Variants in CRHR2 observed in about 807,000 individuals in gnomAD.
The protein encoded by CRHR2 is corticotropin-releasing hormone receptor 2.
Under a neutral mutation model 57.9 loss-of-function variants are expected in CRHR2, and 53 were observed. The observed-to-expected ratio is 0.92, with a 90% CI of 0.73 to 1.15. CRHR2 has a LOEUF of 1.15. Ranked by LOEUF, CRHR2 falls within the 50% of genes most tolerant of loss-of-function variation. CRHR2 has a pLI of 0.00. For missense variants in CRHR2, 532 were observed against 542.6 expected, an observed-to-expected ratio of 0.98 and a Z score of 0.19; for synonymous variants, 213 against 220.9, an observed-to-expected ratio of 0.96 and a Z score of 0.32.
At chr7:30,689,210 C>A (rs1194705597) in exon 2 of CRHR2, 2 of 1,550,242 alleles carry the variant, frequency 1.3e-6, no homozygotes. Flanking sequence ...TGGTGAGGGT[C>A]ATGATGGTGT....
chr7:30,692,027 G>A (rs974818860), intron 1 of CRHR2, among the ~76,000 whole-genome samples: 1 of 152,176 alleles, frequency 6.6e-6, no homozygotes, highest in African/African-American at 2.4e-5. Flanking sequence ...GGGGATGCTG[G>A]GCTTAGCTGT....
chr7:30,684,249 C>T (rs1784809740), upstream of CRHR2, among the ~76,000 whole-genome samples: 1 of 152,248 alleles, frequency 6.6e-6, no homozygotes, highest in Non-Finnish European at 1.5e-5. Context: ...GGGTCCCACA[C>T]AGGCCAGAGG....
chr7:30,675,025 G>T (rs1584115913), intron 2 of CRHR2, among the ~76,000 whole-genome samples: 1 of 152,170 alleles, frequency 6.6e-6, no homozygotes, highest in Non-Finnish European at 1.5e-5. Context: ...GACAAGGAGG[G>T]CCTGCCAGTC....
intron 2 of CRHR2, among the ~76,000 whole-genome samples, chr7:30,675,610 C>G (rs886254639): frequency 4.6e-5 from 7 of 152,206 alleles, no homozygotes; most frequent in African/African-American, 1.7e-4. Context: ...CACTTCCGCT[C>G]CCACCCTCCC....
rs192730389 is a variant in CRHR2 at position 30,679,216 on chromosome 7, C to T, written c.229+2699G>A. Among the ~76,000 whole-genome samples, 238 of 152,334 alleles carry T rather than the reference C, an allele frequency of 1.6e-3. 2 individuals carry two copies. Among genetic ancestry groups the T allele is most frequent in the African/African-American group, 5.4e-3 (224 of 41,564 alleles). ...TCAGAGGGCTAAGTCCTCCCTGATC[C>T]TCCAGGCCGGAGGTATGAGTCTTCT... On this transcript the variant is annotated intron_variant, in intron 2 of 11. Transcript: ENST00000471646.
intron 1 of CRHR2, among the ~76,000 whole-genome samples, chr7:30,689,893 A>G (rs1325371645): frequency 6.6e-6 from 1 of 152,198 alleles, no homozygotes; most frequent in African/African-American, 2.4e-5. Context: ...GGGAAGGCTT[A>G]TTGGGAGAGG....
At chr7:30,690,971 A>G (rs1784950743) in intron 1 of CRHR2, among the ~76,000 whole-genome samples, 1 of 152,098 alleles carries the variant, frequency 6.6e-6, no homozygotes, top group Non-Finnish European at 1.5e-5. Flanking sequence ...CAGGACAAAC[A>G]CTGGGGGCCA....
upstream of CRHR2, among the ~76,000 whole-genome samples, chr7:30,687,437 T>TA (rs1013259839): frequency 6.5e-3 from 939 of 144,430 alleles, 6 homozygotes; most frequent in Middle Eastern, 0.034. Flanking sequence ...ATTATCCCAT[T>TA]AAAAAAAAAA....
upstream of CRHR2, among the ~76,000 whole-genome samples, chr7:30,684,826 G>T (rs1784822500): frequency 6.6e-6 from 1 of 152,174 alleles, no homozygotes; most frequent in Non-Finnish European, 1.5e-5. Flanking sequence ...CTGCAAACAG[G>T]CAAATGAGGA....
At chr7:30,684,985 C>G (rs1584134160), upstream of CRHR2, among the ~76,000 whole-genome samples, 1 of 152,230 alleles carries the variant, frequency 6.6e-6, no homozygotes, top group East Asian at 1.9e-4. Context: ...CAGGCCAGCC[C>G]CATCCCAGCT....
chr7:30,689,279 G>A lies in CRHR2; in HGVS notation c.-255C>T, dbSNP rs61749076. The A allele has an allele frequency of 7.3e-3, 11,303 of 1,550,134 alleles. 589 individuals carry two copies. In the African/African-American group the frequency reaches 0.13, roughly 17 times the overall value. On this transcript the variant is annotated 5_prime_UTR_variant, in exon 2 of 14. Transcript: ENST00000341843. ...GGTCTTTGGGCATCTGGCTCTGCCCGGCTGCCTAGGGGACAGCAAGGATGA... is the reference window on the plus strand; with the variant it reads ...GGTCTTTGGGCATCTGGCTCTGCCCAGCTGCCTAGGGGACAGCAAGGATGA...
In CRHR2 at chr7:30,665,050, G is replaced by A. The variant is rs201981872; in HGVS notation, c.543+20C>T. On this transcript the variant is annotated intron_variant, in intron 5 of 11. Coordinates refer to ENST00000471646, the MANE Select transcript of CRHR2 (RefSeq NM_001883.5). This position sits in a 1 kb window ranked among gnomAD's most constrained non-coding sequence, Gnocchi z 4.5. Reference sequence around the variant, plus strand: ...CCCAGAGCCCCCCAGGTATAGCCCCGAGTCTCCCCGAGCAATGACCTCATT... The same window carrying A: ...CCCAGAGCCCCCCAGGTATAGCCCCAAGTCTCCCCGAGCAATGACCTCATT... The A allele has an allele frequency of 1.6e-5, 25 of 1,604,024 alleles. No homozygotes were observed. The East Asian group carries it at 3.1e-4, about 20-fold the overall frequency.
At chr7:30,661,414 C>A (rs1438439730) in intron 7 of CRHR2, among the ~76,000 whole-genome samples, 1 of 152,182 alleles carries the variant, frequency 6.6e-6, no homozygotes, top group African/African-American at 2.4e-5. Context: ...AAGCTCACCA[C>A]CTACCAAGGC....
upstream of CRHR2, among the ~76,000 whole-genome samples, chr7:30,684,294 C>T (rs986181736): frequency 1.3e-5 from 2 of 152,190 alleles, no homozygotes; most frequent in African/African-American, 4.8e-5. Context: ...ATTCACAGGG[C>T]AATAGTGTCC....
At chr7:30,693,656 G>A (rs913946627) in intron 1 of CRHR2, among the ~76,000 whole-genome samples, 5 of 152,248 alleles carry the variant, frequency 3.3e-5, no homozygotes, top group Non-Finnish European at 7.3e-5. Context: ...TATATAGCCT[G>A]TCGGTTGGGA....
chr7:30,675,437 G>A lies in CRHR2; in HGVS notation c.229+6478C>T, dbSNP rs539732016. On this transcript the variant is annotated intron_variant, in intron 2 of 11. Coordinates refer to ENST00000471646, the MANE Select transcript of CRHR2 (RefSeq NM_001883.5). The stretch of plus-strand genomic sequence containing the variant: ...GCCAGCCCTTGATTGAGATTTAGAT[G>A]GCACATTTTGAAAAGCAGTATCCTT... Among the ~76,000 whole-genome samples the A allele has an allele frequency of 4.6e-5, 7 of 152,368 alleles. 1 individual carries two copies. The East Asian group carries it at 1.3e-3, about 29-fold the overall frequency.
Position 30,653,264 on chromosome 7 carries a change from G to A in CRHR2, c.*196C>T, listed in dbSNP as rs1423192597. 22 of 687,628 alleles carry A rather than the reference G, an allele frequency of 3.2e-5. No individual in the cohort carries two copies. Among genetic ancestry groups the A allele is most frequent in the East Asian group, 3.1e-4 (11 of 35,924 alleles). The allele number at this position is 687,628 out of a possible 1,614,324, so 42.6% of individuals were successfully genotyped here. A position where few individuals can be genotyped will look rare whatever the true frequency, so the allele number is the denominator to read the frequency against. On this transcript the variant is annotated 3_prime_UTR_variant, in exon 12 of 12. Coordinates refer to ENST00000471646, the MANE Select transcript of CRHR2 (RefSeq NM_001883.5). This position sits in a 1 kb window ranked among gnomAD's most constrained non-coding sequence, Gnocchi z 5.0. Reference sequence around the variant, plus strand: ...GTGAATTCCCTCTGCTTCCTCTTGCGCTGAGCCTGGTGGCCCCCACTCATC... The same window carrying A: ...GTGAATTCCCTCTGCTTCCTCTTGCACTGAGCCTGGTGGCCCCCACTCATC...
At chr7:30,695,482 T>A (rs1375593638) in intron 1 of CRHR2, among the ~76,000 whole-genome samples, 3 of 151,766 alleles carry the variant, frequency 2.0e-5, no homozygotes, top group Non-Finnish European at 4.4e-5. Context: ...CCCTCTCCCC[T>A]CAGTCCTGCT....
intron 1 of CRHR2, among the ~76,000 whole-genome samples, chr7:30,692,534 C>G (rs1171395199): frequency 6.6e-6 from 1 of 152,134 alleles, no homozygotes. Context: ...GCCATAGGAA[C>G]AGCAGTAAGA....
Sources: allele counts gnomAD v4.1 joint callset (sites outside exome capture counted in the v4.1 genomes callset), GRCh38; gene constraint gnomAD v4.1.1; non-coding constraint Gnocchi (gnomAD v3.1); transcripts MANE v1.5; gene names NCBI Gene and HGNC (gene_info 2026-07-23, HGNC 2026-07-21).